The following L3MBTL3 variants were observed in gnomAD, a reference collection of about 807,000 sequenced individuals.
L3MBTL3 encodes lethal(3)malignant brain tumor-like protein 3.
Under a neutral mutation model 102.3 loss-of-function variants are expected in L3MBTL3, and 27 were observed. The observed-to-expected ratio is 0.26, with a 90% CI of 0.19 to 0.36. The LOEUF (loss-of-function observed/expected upper bound fraction) is 0.36. Among genes scored for constraint, L3MBTL3 ranks in the 10% least tolerant of loss-of-function variants. The pLI is 1.00. For synonymous variants in L3MBTL3, 340 were observed against 320.9 expected (o/e 1.06, Z -0.64); for missense variants, 798 against 955.3 (o/e 0.84, Z 2.17).
intron 2 of L3MBTL3, among the ~76,000 whole-genome samples, chr6:130,036,365 A>G (rs1436161177): frequency 1.3e-5 from 2 of 152,230 alleles, no homozygotes; most frequent in African/African-American, 4.8e-5. Flanking sequence ...GAGAGACAAC[A>G]TAGTAAATAT....
intron 11 of L3MBTL3, among the ~76,000 whole-genome samples, chr6:130,067,488 C>T (rs1782342528): frequency 6.6e-6 from 1 of 152,144 alleles, no homozygotes; most frequent in Non-Finnish European, 1.5e-5. Context: ...ATTCAGGTTA[C>T]TGGGTTGATA....
At position 130,059,077 on chromosome 6, in the gene L3MBTL3, T is replaced by TA. The variant is rs1057140658; in HGVS notation, c.760-950dup. On this transcript the variant is annotated intron_variant, in intron 9 of 22. Coordinates refer to ENST00000361794, the MANE Select transcript of L3MBTL3 (RefSeq NM_032438.4). Reference sequence around the variant, plus strand: ...CTTTAGAGAAGAGACTTTTTCACATTAAAAAAAAAGTTTAAATGTAGCTAA... The same window carrying TA: ...CTTTAGAGAAGAGACTTTTTCACATTAAAAAAAAAAGTTTAAATGTAGCTAA... 3.7e-3 allele frequency among the ~76,000 whole-genome samples: 556 copies of TA among 151,268 alleles called. 1 individual carries two copies. Among genetic ancestry groups the TA allele is most frequent in the African/African-American group, 0.013 (526 of 41,270 alleles).
chr6:130,077,944 G>A (rs1383292300), intron 13 of L3MBTL3, among the ~76,000 whole-genome samples: 1 of 152,142 alleles, frequency 6.6e-6, no homozygotes, highest in Non-Finnish European at 1.5e-5. Flanking sequence ...CATGGCAAAA[G>A]TATGACTAGG....
chr6:130,049,316 T>C lies in L3MBTL3; in HGVS notation c.137T>C (p.Ile46Thr), dbSNP rs1410258152. Residue 46 changes from isoleucine to threonine, a missense_variant, in exon 4 of 23, where the codon ATT (isoleucine) becomes ACT (threonine). This residue lies in a region of L3MBTL3 where 434 missense variants were observed against 506.6 expected (regional missense o/e 0.86). Coordinates refer to ENST00000361794, the MANE Select transcript of L3MBTL3 (RefSeq NM_032438.4). ...RVNEFGALEV[I>T]TDENEMENVK... Reference sequence around the variant, plus strand: ...AATGAGTTTGGAGCCCTGGAAGTTATTACAGATGAGAATGAGATGGAAAAT... The same window carrying C: ...AATGAGTTTGGAGCCCTGGAAGTTACTACAGATGAGAATGAGATGGAAAAT... 6.2e-7 allele frequency: 1 copy of C among 1,613,790 alleles called. No homozygotes were observed. Among genetic ancestry groups the C allele is most frequent in the South Asian group, 1.1e-5 (1 of 91,042 alleles).
chr6:130,131,499 A>G (rs1192909669), intron 20 of L3MBTL3, among the ~76,000 whole-genome samples: 3 of 152,188 alleles, frequency 2.0e-5, no homozygotes, highest in Non-Finnish European at 4.4e-5. Flanking sequence ...ATGGAAACAC[A>G]TACGTACATT....
chr6:130,110,594 G>A (rs1292812114), intron 19 of L3MBTL3, among the ~76,000 whole-genome samples: 2 of 152,152 alleles, frequency 1.3e-5, no homozygotes. Context: ...GAGATTTTGG[G>A]CTGAGATGAT....
At chr6:130,058,863 G>T (rs1781700727) in intron 9 of L3MBTL3, among the ~76,000 whole-genome samples, 1 of 152,040 alleles carries the variant, frequency 6.6e-6, no homozygotes, top group Non-Finnish European at 1.5e-5. Flanking sequence ...ATTTAATCGT[G>T]GTATGTAATT....
intron 19 of L3MBTL3, among the ~76,000 whole-genome samples, chr6:130,117,457 C>T (rs1039611339): frequency 3.5e-4 from 54 of 152,130 alleles, no homozygotes; most frequent in African/African-American, 1.3e-3. Context: ...TTACTCTGCT[C>T]CAGAGTGTAC....
At chr6:130,051,558 A>G in intron 6 of L3MBTL3, 150 bp downstream of exon 6, 1 of 664,672 alleles carries the variant, frequency 1.5e-6, no homozygotes, top group South Asian at 2.1e-5. Flanking sequence ...CATGGGCCCT[A>G]ACCCCTATAT....
intron 20 of L3MBTL3, among the ~76,000 whole-genome samples, chr6:130,125,887 A>ATTT (rs1235578784): frequency 1.3e-5 from 2 of 152,118 alleles, no homozygotes; most frequent in Non-Finnish European, 2.9e-5. Context: ...GAGCAAATTG[A>ATTT]TTTAAAAGAC....
rs762813063 is a variant in L3MBTL3, at chr6:130,066,421, A to G, written c.933A>G (p.Ala311=). Residue 311 remains alanine, a synonymous_variant, in exon 11 of 23, where the codon GCA becomes GCG. Coordinates refer to ENST00000361794, the MANE Select transcript of L3MBTL3 (RefSeq NM_032438.4). ...YSDCYDFWVN[A]DALDIHPVGW... ...ATTGCTATGACTTCTGGGTGAATGC[A>G]GACGCTCTGGATATCCACCCAGTTG... 1 of 1,612,128 alleles carries G rather than the reference A, an allele frequency of 6.2e-7. No individual in the cohort carries two copies. Among genetic ancestry groups the G allele is most frequent in the Non-Finnish European group, 8.5e-7 (1 of 1,178,718 alleles).
chr6:130,069,723 C>G (rs566255885), intron 12 of L3MBTL3, among the ~76,000 whole-genome samples: 1 of 152,320 alleles, frequency 6.6e-6, no homozygotes, highest in African/African-American at 2.4e-5. Context: ...TGACTTCAGT[C>G]AGGGATTTGA....
chr6:130,094,451 G>T, intron 18 of L3MBTL3, 84 bp downstream of exon 18: 1 of 710,520 alleles, frequency 1.4e-6, no homozygotes, highest in Non-Finnish European at 2.2e-6. Context: ...ATACTAAATT[G>T]ATGTGAACTA....
chr6:130,092,922 C>A, intron 17 of L3MBTL3, 63 bp downstream of exon 17: 1 of 1,014,302 alleles, frequency 9.9e-7, no homozygotes, highest in Non-Finnish European at 1.6e-6. Flanking sequence ...CTTAAGATTT[C>A]ATCCTTAGCC....
chr6:130,096,143 G>T (rs367545811), intron 18 of L3MBTL3, among the ~76,000 whole-genome samples: 257 of 152,232 alleles, frequency 1.7e-3, no homozygotes, highest in African/African-American at 5.4e-3. Flanking sequence ...GAGGCCACGG[G>T]GGGTACTGGG....
chr6:130,049,785 G>A lies in L3MBTL3; in HGVS notation c.244G>A (p.Val82Ile), dbSNP rs762235787. The A allele has an allele frequency of 2.2e-5, 35 of 1,613,600 alleles. No individual in the cohort carries two copies. The highest frequency in any genetic ancestry group is 5.3e-5 in the African/African-American group (4 of 74,870). ...GACCTCTCCCCCGAGCTCCAGGCCCGTATTTCCACCTGCCTACTGGACATC... is the reference window on the plus strand; with the variant it reads ...GACCTCTCCCCCGAGCTCCAGGCCCATATTTCCACCTGCCTACTGGACATC... ...APTSPPSSRPVFPPAYWTSPP... is the reference protein window; with the variant it reads ...APTSPPSSRPIFPPAYWTSPP... The change falls in exon 5 of 23, where the codon GTA becomes ATA. Residue 82 changes from valine to isoleucine, a missense_variant. Val to Ile is a conservative substitution (Grantham distance 29). Around this residue, in one of 4 missense-constraint regions of L3MBTL3, gnomAD observed 434 missense variants for 506.6 expected, o/e 0.86. Transcript: ENST00000361794.
rs1376403023 is a variant in L3MBTL3, at chr6:130,097,658, G to A, written c.1736+3291G>A. Among the ~76,000 whole-genome samples, 8 of 152,294 alleles carry A rather than the reference G, an allele frequency of 5.3e-5. No individual in the cohort carries two copies. The East Asian group carries it at 1.5e-3, about 29-fold the overall frequency. On this transcript the variant is annotated intron_variant, in intron 18 of 22. Transcript: ENST00000361794. ...CAGATTGCTTAATTCCAACTCTCTA[G>A]CAAGGGAACATTAATATTGGTTGTG...
chr6:130,024,939 G>A (rs530783394), intron 2 of L3MBTL3, among the ~76,000 whole-genome samples: 1 of 152,134 alleles, frequency 6.6e-6, no homozygotes, highest in East Asian at 1.9e-4. Context: ...GCAGGACCAT[G>A]GCATATCATC....
At chr6:130,121,499 T>A (rs1786194660) in intron 20 of L3MBTL3, among the ~76,000 whole-genome samples, 1 of 152,208 alleles carries the variant, frequency 6.6e-6, no homozygotes, top group Non-Finnish European at 1.5e-5. Context: ...AGTATCAATA[T>A]AGTATGTAAT....
Sources: gnomAD v4.1 joint callset for allele counts (sites outside exome capture counted in the v4.1 genomes callset) on GRCh38, gnomAD v4.1.1 for gene constraint, gnomAD v4.1.1 regional missense constraint, MANE v1.5 for transcripts, NCBI Gene and HGNC (gene_info 2026-07-23, HGNC 2026-07-21) for gene names.